Variants in TARS1 observed in about 807,000 individuals in gnomAD.
TARS1 encodes threonyl-tRNA synthetase 1.
A neutral mutation model predicts 97.7 loss-of-function variants in TARS1; 57 were observed. The ratio of observed to expected loss-of-function variants is 0.58; its 90% CI spans 0.47 to 0.73. The LOEUF (loss-of-function observed/expected upper bound fraction) is 0.73. TARS1 is among the 30% of genes least tolerant of loss of function. The pLI is 0.00. For missense variants in TARS1, 806 were observed against 888.3 expected (o/e 0.91, Z 1.18); for synonymous variants, 312 against 293.7 (o/e 1.06, Z -0.64).
chr5:33,458,748 T>C, intron 10 of TARS1, 84 bp downstream of exon 10: 1 of 1,093,566 alleles, frequency 9.1e-7, no homozygotes, highest in Admixed American at 2.3e-5. Context: ...GGAAAGATAA[T>C]CTGTATTTGA....
chr5:33,462,424 G>T (rs1281033074), intron 16 of TARS1, among the ~76,000 whole-genome samples: 1 of 152,136 alleles, frequency 6.6e-6, no homozygotes, highest in South Asian at 2.1e-4. Flanking sequence ...TCCAGAACTT[G>T]ATTTGTTTGG....
rs1437567378 is a variant in TARS1, at chr5:33,461,714, C to G, written c.1599C>G (p.Asn533Lys). 1 of 1,614,088 alleles carries G rather than the reference C, an allele frequency of 6.2e-7. No individual in the cohort carries two copies. Among genetic ancestry groups the G allele is most frequent in the Non-Finnish European group, 8.5e-7 (1 of 1,179,982 alleles). ...AATTTGGTGAAAAGTGGGAGTTAAA[C>G]TCTGGAGATGGAGCTTTCTATGGCC... is the stretch of plus-strand genomic sequence containing the variant. ...LNEFGEKWEL[N>K]SGDGAFYGPK... The change falls in exon 14 of 19, where the codon AAC (asparagine) becomes AAG (lysine). Residue 533 changes from asparagine (N) to lysine (K), a missense_variant. Asn to Lys is a moderately conservative substitution (Grantham distance 94, BLOSUM62 0). Around this residue, in one of 3 missense-constraint regions of TARS1, gnomAD observed 446 missense variants for 511.0 expected, o/e 0.87. Transcript: ENST00000265112.
chr5:33,461,708 G>C lies in TARS1; in HGVS notation c.1593G>C (p.Glu531Asp), dbSNP rs200719574. The change falls in exon 14 of 19, where the codon GAG becomes GAC. Residue 531 changes from glutamate (E) to aspartate (D), a missense_variant. Transcript: ENST00000265112. The stretch of plus-strand genomic sequence containing the variant: ...TGAATGAATTTGGTGAAAAGTGGGA[G>C]TTAAACTCTGGAGATGGAGCTTTCT... ...NSLNEFGEKWELNSGDGAFYG... is the reference protein window; with the variant it reads ...NSLNEFGEKWDLNSGDGAFYG... 6.2e-7 allele frequency: 1 copy of C among 1,614,120 alleles called. No homozygotes were observed. Among genetic ancestry groups the C allele is most frequent in the Non-Finnish European group, 8.5e-7 (1 of 1,180,002 alleles).
chr5:33,467,505 G>A (rs1043226844), intron 18 of TARS1, 55 bp from the exon 19 acceptor site: 1 of 1,577,462 alleles, frequency 6.3e-7, no homozygotes, highest in Admixed American at 1.9e-5. Context: ...TGTTCAGTGT[G>A]AATTCTTCCA....
intron 3 of TARS1, 134 bp downstream of exon 3, chr5:33,448,865 ACTT>A: frequency 1.1e-5 from 8 of 717,066 alleles, no homozygotes; most frequent in Non-Finnish European, 1.6e-5. Context: ...AATTTTGCCT[ACTT>A]GAGATTTTTT....
Position 33,453,365 on chromosome 5 carries a change from G to T in TARS1, c.406G>T (p.Asp136Tyr). Residue 136 changes from aspartate (D) to tyrosine (Y), a missense_variant, in exon 4 of 19, where the codon GAT (aspartate) becomes TAT (tyrosine). By Grantham distance (160) the Asp-to-Tyr change is radical. Transcript: ENST00000265112. ...GGACCTGGACCGCCCTCTGGAAGAA[G>T]ATTGTACCTTGGAGCTTCTCAAGTT... is the stretch of plus-strand genomic sequence containing the variant. The part of the protein sequence containing the change: ...VWDLDRPLEE[D>Y]CTLELLKFED... The T allele has an allele frequency of 1.2e-6, 2 of 1,611,266 alleles. No individual in the cohort carries two copies. Among genetic ancestry groups the T allele is most frequent in the Non-Finnish European group, 8.5e-7 (1 of 1,179,252 alleles).
At chr5:33,460,748 T>G (rs752252033) in intron 11 of TARS1, among the ~76,000 whole-genome samples, 154 bp from the exon 12 acceptor site, 3 of 152,260 alleles carry the variant, frequency 2.0e-5, no homozygotes, top group Non-Finnish European at 4.4e-5. Flanking sequence ...ATGCAAGTGC[T>G]TTTACTGCTG....
intron 9 of TARS1, among the ~76,000 whole-genome samples, chr5:33,458,084 A>AT (rs1742115474): frequency 6.6e-6 from 1 of 152,172 alleles, no homozygotes; most frequent in Non-Finnish European, 1.5e-5. Flanking sequence ...AGGAGGTAGG[A>AT]GGGTGTGTTT....
Position 33,448,984 on chromosome 5 carries a change from T to C in TARS1, c.329+253T>C, listed in dbSNP as rs927052937. ...GGGCATTGTATATTTTTAGTCTTAC[T>C]ATGATTATAAATGTTACAAAACCGA... On this transcript the variant is annotated intron_variant, in intron 3 of 18. Transcript: ENST00000265112. 4.6e-5 allele frequency among the ~76,000 whole-genome samples: 7 copies of C among 152,238 alleles called. No homozygotes were observed. The South Asian group carries it at 6.2e-4, about 14-fold the overall frequency.
rs989032752 is a variant in TARS1 at position 33,453,285 on chromosome 5, T to A, written c.330-4T>A. ...GGACTTTTTTTTTTTTTTTTTTTTT[T>A]AAGTCAAGGCCTGGCCGACAACACC... On this transcript the variant is annotated splice_region_variant and splice_polypyrimidine_tract_variant and intron_variant, in intron 3 of 18. Transcript: ENST00000265112. 3.7e-5 allele frequency: 57 copies of A among 1,522,722 alleles called. No individual in the cohort carries two copies. The African/African-American group carries it at 4.4e-4, about 12-fold the overall frequency. 94.3% of individuals were successfully genotyped at this position (1,522,722 alleles called of 1,614,324 possible). A position where few individuals can be genotyped will look rare whatever the true frequency, so the allele number is the denominator to read the frequency against.
intron 2 of TARS1, among the ~76,000 whole-genome samples, chr5:33,445,870 G>C (rs1190821066): frequency 6.6e-6 from 1 of 152,174 alleles, no homozygotes; most frequent in Non-Finnish European, 1.5e-5. Context: ...TTCTAAGCCA[G>C]GACAGATCCC....
chr5:33,448,184 A>G (rs1741515276), intron 2 of TARS1, among the ~76,000 whole-genome samples: 1 of 152,250 alleles, frequency 6.6e-6, no homozygotes, highest in Non-Finnish European at 1.5e-5. Context: ...AATGAAACAA[A>G]ATAGAAAAGC....
chr5:33,451,435 C>T (rs1025922805), intron 3 of TARS1, among the ~76,000 whole-genome samples: 2 of 149,074 alleles, frequency 1.3e-5, no homozygotes, highest in Non-Finnish European at 3.0e-5. Context: ...AGTGCATTGG[C>T]GCCATCTTGG....
intron 1 of TARS1, among the ~76,000 whole-genome samples, chr5:33,442,320 C>CTTTTTTTTTTTTTTTTTT: frequency 9.6e-6 from 1 of 104,598 alleles, no homozygotes; most frequent in Non-Finnish European, 1.9e-5. Context: ...TGTTTTGTAA[C>CTTTTTTTTTTTTTTTTTT]TTTTTTTTTT....
At chr5:33,455,782 C>T in intron 6 of TARS1, 78 bp downstream of exon 6, 1 of 1,094,374 alleles carries the variant, frequency 9.1e-7, no homozygotes, top group Non-Finnish European at 1.4e-6. Context: ...CACTGGCGTT[C>T]CGTGTACTAA....
At position 33,458,583 on chromosome 5, in the gene TARS1, C is replaced by G; in HGVS notation, c.1002C>G (p.Phe334Leu). 1 of 1,613,166 alleles carries G rather than the reference C, an allele frequency of 6.2e-7. No homozygotes were observed. The highest frequency in any genetic ancestry group is 1.1e-5 in the South Asian group (1 of 90,944). ...TTACCCAGGACCAAGAACTATATTT[C>G]TTTCATGAACTCAGCCCTGGAAGTT... ...RKIGRDQELY[F>L]FHELSPGSCF... is the part of the protein sequence containing the mutation. Residue 334 changes from phenylalanine to leucine, a missense_variant, in exon 10 of 19, where the codon TTC (phenylalanine) becomes TTG (leucine). Phe to Leu is a conservative substitution (Grantham distance 22). Coordinates refer to ENST00000265112, the MANE Select transcript of TARS1 (RefSeq NM_152295.5).
At chr5:33,455,211 C>A in intron 5 of TARS1, 145 bp downstream of exon 5, 1 of 1,068,312 alleles carries the variant, frequency 9.4e-7, no homozygotes, top group African/African-American at 1.6e-5. Context: ...TGAAGTGTTG[C>A]AATTTACCTG....
intron 1 of TARS1, among the ~76,000 whole-genome samples, chr5:33,443,413 A>T (rs954477018): frequency 2.7e-5 from 4 of 150,192 alleles, no homozygotes; most frequent in Non-Finnish European, 5.9e-5. Context: ...TCTTATCAGA[A>T]ATATAAAACT....
chr5:33,444,792 T>A (rs1741325528), intron 1 of TARS1, among the ~76,000 whole-genome samples: 1 of 152,124 alleles, frequency 6.6e-6, no homozygotes, highest in Admixed American at 6.6e-5. Context: ...CATCTAATCG[T>A]AGCGTTACTA....
Sources: gnomAD v4.1 joint callset for allele counts (sites outside exome capture counted in the v4.1 genomes callset) on GRCh38, gnomAD v4.1.1 for gene constraint, gnomAD v4.1.1 regional missense constraint, MANE v1.5 for transcripts, NCBI Gene and HGNC (gene_info 2026-07-23, HGNC 2026-07-21) for gene names.